The following NUP85 variants were observed in gnomAD, a reference collection of about 807,000 sequenced individuals.
NUP85 encodes the protein nucleoporin 85.
A neutral mutation model predicts 92.8 loss-of-function variants in NUP85; 23 were observed. The ratio of observed to expected loss-of-function variants is 0.25; its 90% CI spans 0.18 to 0.35. The LOEUF (loss-of-function observed/expected upper bound fraction) is 0.35, where lower values mean the gene tolerates loss of function less well. Among genes scored for constraint, NUP85 ranks in the 10% least tolerant of loss-of-function variants. The probability of loss-of-function intolerance (pLI) is 1.00; values close to 1 mark genes in which losing one functional copy is unlikely to be tolerated. For missense variants in NUP85, 759 were observed against 822.8 expected (o/e 0.92, Z 0.95); for synonymous variants, 314 against 306.9 (o/e 1.02, Z -0.24).
chr17:75,218,425 T>C (rs1568076400), intron 7 of NUP85, 119 bp downstream of exon 7: 1 of 1,201,702 alleles, frequency 8.3e-7, no homozygotes, highest in Non-Finnish European at 1.2e-6. Flanking sequence ...AGTCTGTTAC[T>C]ATGGAGACTC....
At chr17:75,216,628 G>T (rs143764999) in intron 6 of NUP85, among the ~76,000 whole-genome samples, 86 of 152,234 alleles carry the variant, frequency 5.6e-4, no homozygotes, top group African/African-American at 2.0e-3. Context: ...GCTCTCTGTG[G>T]ATCTGCTGCA....
rs746937292 is a variant in NUP85, at chr17:75,231,394, C to T, written c.1149C>T (p.His383=). The T allele has an allele frequency of 1.2e-6, 2 of 1,614,120 alleles. No individual in the cohort carries two copies. The highest frequency in any genetic ancestry group is 1.7e-6 in the Non-Finnish European group (2 of 1,180,042). Residue 383 remains histidine, a synonymous_variant, in exon 12 of 19, where the codon CAC becomes CAT. Coordinates refer to ENST00000245544, the MANE Select transcript of NUP85 (RefSeq NM_024844.5). The surrounding 1 kb of genome is among the most constrained non-coding windows in gnomAD (Gnocchi z 4.6). ...FVAHLTDLLD[H]CKLLQSHNLY... ...CCCACCTGACAGACCTGCTGGACCACTGCAAGCTCCTCCAGTCACACAACC... is the reference window on the plus strand; with the variant it reads ...CCCACCTGACAGACCTGCTGGACCATTGCAAGCTCCTCCAGTCACACAACC...
At chr17:75,205,921 C>G in intron 1 of NUP85, 127 bp downstream of exon 1, 1 of 1,112,612 alleles carries the variant, frequency 9.0e-7, no homozygotes, top group Non-Finnish European at 1.3e-6. Flanking sequence ...ACTCAGTTGC[C>G]ACTTTTCCGG....
intron 7 of NUP85, among the ~76,000 whole-genome samples, chr17:75,222,236 G>T (rs1450675309): frequency 6.6e-6 from 1 of 152,062 alleles, no homozygotes; most frequent in Non-Finnish European, 1.5e-5. Flanking sequence ...GTGGAGACGG[G>T]GTTTTGCCAT....
chr17:75,215,811 G>C lies in NUP85; in HGVS notation c.463G>C (p.Glu155Gln). 1 of 1,613,888 alleles carries C rather than the reference G, an allele frequency of 6.2e-7. No individual in the cohort carries two copies. The highest frequency in any genetic ancestry group is 2.2e-5 in the East Asian group (1 of 44,876). Residue 155 changes from glutamate (E) to glutamine (Q), a missense_variant, in exon 6 of 19, where the codon GAA (glutamate) becomes CAA (glutamine). Glu to Gln is a conservative substitution (Grantham distance 29). Transcript: ENST00000245544. ...GAACCTGTGTGAGATTCTTTTTATT[G>C]AAGTGGCCCCAGGTAGGCATGGAAT... ...IWNLCEILFI[E>Q]VAPAGPLLLH... is the part of the protein sequence containing the mutation.
At chr17:75,225,574 T>C (rs2075761306) in intron 9 of NUP85, 110 bp downstream of exon 9, 1 of 1,571,368 alleles carries the variant, frequency 6.4e-7, no homozygotes, top group African/African-American at 1.3e-5. Flanking sequence ...TGTCTGTCGC[T>C]CTGCCGTGAT....
intron 9 of NUP85, 111 bp from the exon 10 acceptor site, chr17:75,225,587 C>A: frequency 6.4e-7 from 1 of 1,570,204 alleles, no homozygotes; most frequent in Non-Finnish European, 8.7e-7. Context: ...GCCGTGATGG[C>A]GAGAGCTTTC....
At chr17:75,234,052 CTT>C (rs10716628) in intron 16 of NUP85, among the ~76,000 whole-genome samples, 172 of 118,004 alleles carry the variant, frequency 1.5e-3, no homozygotes, top group East Asian at 3.3e-3. Context: ...CATGTTTCTT[CTT>C]TTTTTTTTTT....
In NUP85 at chr17:75,208,613, C is replaced by CA; in HGVS notation, c.126dup (p.Glu43ArgfsTer17). 6.3e-7 allele frequency: 1 copy of CA among 1,575,260 alleles called. No individual in the cohort carries two copies. Among genetic ancestry groups the CA allele is most frequent in the Non-Finnish European group, 8.7e-7 (1 of 1,148,264 alleles). Reference sequence around the variant, plus strand: ...TGCTGGTATGTGAAACCTCCTTCAACAAAAAAGGTAGGGTTTTTTTTCTTC... The same window carrying CA: ...TGCTGGTATGTGAAACCTCCTTCAACAAAAAAAGGTAGGGTTTTTTTTCTTC... On this transcript the variant is annotated frameshift_variant, in exon 2 of 19. Coordinates refer to ENST00000245544, the MANE Select transcript of NUP85 (RefSeq NM_024844.5). LOFTEE classifies it high-confidence loss of function.
intron 9 of NUP85, 101 bp from the exon 10 acceptor site, chr17:75,225,597 C>A: frequency 6.3e-7 from 1 of 1,577,900 alleles, no homozygotes; most frequent in Non-Finnish European, 8.6e-7. Flanking sequence ...CGAGAGCTTT[C>A]AGACTAGTTG....
At chr17:75,226,729 A>G (rs1366731750) in intron 11 of NUP85, 1 of 450,370 alleles carries the variant, frequency 2.2e-6, no homozygotes, top group South Asian at 1.6e-5. Flanking sequence ...CATATACATA[A>G]CTGTTTCCAT....
At chr17:75,219,979 C>T (rs2075549950) in intron 7 of NUP85, among the ~76,000 whole-genome samples, 2 of 152,052 alleles carry the variant, frequency 1.3e-5, no homozygotes, top group African/African-American at 4.8e-5. Flanking sequence ...CAGAGCGATA[C>T]CAGGCCAGGT....
At chr17:75,214,734 G>A (rs1440519037) in intron 5 of NUP85, among the ~76,000 whole-genome samples, 2 of 152,162 alleles carry the variant, frequency 1.3e-5, no homozygotes. Context: ...GTGTGCGCCT[G>A]TAATCCCAGC....
chr17:75,228,823 G>A, intron 11 of NUP85: 1 of 985,414 alleles, frequency 1.0e-6, no homozygotes. Context: ...GACCCTAAGG[G>A]GCAGAAAAGG....
chr17:75,219,713 A>G (rs539073033), intron 7 of NUP85, among the ~76,000 whole-genome samples: 43 of 152,324 alleles, frequency 2.8e-4, no homozygotes, highest in African/African-American at 9.1e-4. Context: ...GGCTAGTACC[A>G]TGTATCCTGG....
Position 75,234,745 on chromosome 17 carries a change from T to C in NUP85, c.1724T>C (p.Met575Thr). 1 of 1,614,234 alleles carries C rather than the reference T, an allele frequency of 6.2e-7. No individual in the cohort carries two copies. Among genetic ancestry groups the C allele is most frequent in the East Asian group, 2.2e-5 (1 of 44,882 alleles). Residue 575 changes from methionine (M) to threonine (T), a missense_variant, in exon 17 of 19, where the codon ATG becomes ACG. By Grantham distance (81) the Met-to-Thr change is moderately conservative (BLOSUM62 -1). Transcript: ENST00000245544. ...CGGATTGCCCCTCGGTCTTTCTGGA[T>C]GACTCTGCTGACAGACGCCTTGCCC... The part of the protein sequence containing the change: ...TSRIAPRSFW[M>T]TLLTDALPLL...
Position 75,205,765 on chromosome 17 carries a change from G to A in NUP85, c.4G>A (p.Glu2Lys). Residue 2 changes from glutamate to lysine, a missense_variant, in exon 1 of 19, where the codon GAG (glutamate) becomes AAG (lysine). Glu to Lys is a moderately conservative substitution (Grantham distance 56). Coordinates refer to ENST00000245544, the MANE Select transcript of NUP85 (RefSeq NM_024844.5). ...TAGGAGCCTGGGGTTCGGCGCTATG[G>A]AGGAGCTCGATGGCGAGCCAACAGT... M[E>K]ELDGEPTVTL... is the part of the protein sequence containing the mutation. 1 of 1,614,196 alleles carries A rather than the reference G, an allele frequency of 6.2e-7. No individual in the cohort carries two copies. Among genetic ancestry groups the A allele is most frequent in the South Asian group, 1.1e-5 (1 of 91,086 alleles).
intron 4 of NUP85, among the ~76,000 whole-genome samples, chr17:75,212,480 T>G (rs1419559575): frequency 2.8e-5 from 4 of 142,390 alleles, no homozygotes; most frequent in Non-Finnish European, 4.6e-5. Context: ...TTTTTTTTTT[T>G]TTTTTTTTTT....
rs1568069384 is a variant in NUP85 at position 75,212,227 on chromosome 17, AG to A, written c.361+167del. ...CCTTACTTTTTTGGTAATCATTTAG[AG>A]GTTTTTTTTTTTGTTGTTGTTTTTT... is the stretch of plus-strand genomic sequence containing the variant. On this transcript the variant is annotated intron_variant, in intron 4 of 18. Transcript: ENST00000245544. 1.3e-3 allele frequency among the ~76,000 whole-genome samples: 37 copies of A among 29,242 alleles called. 4 individuals are homozygous for A. The highest frequency in any genetic ancestry group is 2.6e-3 in the African/African-American group (28 of 10,976). 19.2% of individuals were successfully genotyped at this position (29,242 alleles called of 152,430 possible).
Sources: allele counts gnomAD v4.1 joint callset (sites outside exome capture counted in the v4.1 genomes callset), GRCh38; gene constraint gnomAD v4.1.1; non-coding constraint Gnocchi (gnomAD v3.1); transcripts MANE v1.5; gene names NCBI Gene and HGNC (gene_info 2026-07-23, HGNC 2026-07-21).